Variants in AFAP1 observed in about 807,000 individuals in gnomAD.
The protein encoded by AFAP1 is actin filament-associated protein 1.
In AFAP1, 75 loss-of-function variants were observed where a neutral mutation model predicts 93.9. The observed-to-expected ratio is 0.80, with a 90% CI of 0.66 to 0.97. The LOEUF is 0.97. AFAP1 is among the 50% of genes least tolerant of loss of function. The pLI is 0.00. For synonymous variants in AFAP1, 517 were observed against 430.7 expected (o/e 1.20, Z -2.48); for missense variants, 1,201 against 1,050.8 (o/e 1.14, Z -1.98).
rs1387271537 is a variant in AFAP1, at chr4:7,770,543, G to C, written c.2254-1535C>G. Among the ~76,000 whole-genome samples, 3 of 152,208 alleles carry C rather than the reference G, an allele frequency of 2.0e-5. No individual in the cohort carries two copies. In the East Asian group the frequency reaches 5.8e-4, roughly 29 times the overall value. ...AAGGAAAGGCAAGAACGCAGGGCAA[G>C]GGGACAGTCACCAGGGGGAGCAGGA... is the stretch of plus-strand genomic sequence containing the variant. On this transcript the variant is annotated intron_variant, in intron 16 of 17. Coordinates refer to ENST00000420658, the MANE Select transcript of AFAP1 (RefSeq NM_001134647.2).
At chr4:7,911,328 C>T (rs900153414) in intron 1 of AFAP1, among the ~76,000 whole-genome samples, 4 of 152,186 alleles carry the variant, frequency 2.6e-5, no homozygotes, top group Admixed American at 2.0e-4. Flanking sequence ...CCTCTTGGGC[C>T]TTTCTAAGTG....
intron 7 of AFAP1, among the ~76,000 whole-genome samples, chr4:7,816,835 G>A (rs1039628038): frequency 1.3e-5 from 2 of 152,184 alleles, no homozygotes. Context: ...CAGTTCCCAG[G>A]CACAAAGGAA....
At chr4:7,852,298 G>C (rs1214218344) in intron 4 of AFAP1, among the ~76,000 whole-genome samples, 1 of 152,112 alleles carries the variant, frequency 6.6e-6, no homozygotes, top group Admixed American at 6.5e-5. Flanking sequence ...TCCCTAAAAT[G>C]CTGGACTGCA....
chr4:7,803,906 G>C (rs769012072), intron 9 of AFAP1, among the ~76,000 whole-genome samples: 7 of 152,042 alleles, frequency 4.6e-5, no homozygotes, highest in African/African-American at 9.7e-5. Context: ...CACAACAGCA[G>C]GTAAATCCAC....
intron 10 of AFAP1, 54 bp downstream of exon 10, chr4:7,800,388 G>C: frequency 6.3e-7 from 1 of 1,577,400 alleles, no homozygotes; most frequent in Non-Finnish European, 8.7e-7. Flanking sequence ...CTTTTGAAAG[G>C]AAGATCACCG....
chr4:7,767,822 G>A lies in AFAP1; in HGVS notation c.2418+1022C>T, dbSNP rs190762938. 5.2e-4 allele frequency among the ~76,000 whole-genome samples: 79 copies of A among 152,354 alleles called. No individual in the cohort carries two copies. The South Asian group carries it at 0.016, about 31-fold the overall frequency. ...AAGCTGGGCGCAGTGGCTCACGACTGTAATCCCAGCACTTTGGGAGGTAGG... is the reference window on the plus strand; with the variant it reads ...AAGCTGGGCGCAGTGGCTCACGACTATAATCCCAGCACTTTGGGAGGTAGG... On this transcript the variant is annotated intron_variant, in intron 17 of 17. Transcript: ENST00000420658.
intron 4 of AFAP1, 97 bp downstream of exon 4, chr4:7,855,366 TATA>T: frequency 1.1e-6 from 1 of 935,202 alleles, no homozygotes; most frequent in Non-Finnish European, 1.6e-6. Context: ...CACAGTGTTT[TATA>T]ATACCCTGTT....
intron 6 of AFAP1, among the ~76,000 whole-genome samples, chr4:7,834,674 C>G (rs945758296): frequency 6.6e-6 from 1 of 152,196 alleles, no homozygotes; most frequent in African/African-American, 2.4e-5. Context: ...CTTGCTACCC[C>G]AAGGGGGCAG....
Position 7,768,995 on chromosome 4 carries a change from C to T in AFAP1, c.2267G>A (p.Arg756Gln), listed in dbSNP as rs758053862. 55 of 1,611,890 alleles carry T rather than the reference C, an allele frequency of 3.4e-5. No homozygotes were observed. The highest frequency in any genetic ancestry group is 1.6e-4 in the Middle Eastern group (1 of 6,066). ...GTSSPQSPVF[R>Q]HRTLENSPIS... ...GGGCGAGTTTTCCAGGGTCCGGTGC[C>T]GGAACACTGGAGACTTAACGGAGAG... Residue 756 changes from arginine (R) to glutamine (Q), a missense_variant, in exon 17 of 18, where the codon CGG (arginine) becomes CAG (glutamine). Physicochemically the swap from Arg to Gln is conservative, Grantham distance 43. Coordinates refer to ENST00000420658, the MANE Select transcript of AFAP1 (RefSeq NM_001134647.2).
chr4:7,817,745 C>T (rs1032104853), intron 7 of AFAP1, among the ~76,000 whole-genome samples: 13 of 140,114 alleles, frequency 9.3e-5, no homozygotes, highest in Non-Finnish European at 1.7e-4. Context: ...TGGAAATTTG[C>T]TAATAATATA....
At chr4:7,850,543 G>A (rs1381534589) in intron 4 of AFAP1, among the ~76,000 whole-genome samples, 2 of 152,234 alleles carry the variant, frequency 1.3e-5, no homozygotes, top group Non-Finnish European at 2.9e-5. Context: ...CTATGTCACC[G>A]TAGCTAACTG....
At chr4:7,886,060 A>G (rs566599716) in intron 1 of AFAP1, among the ~76,000 whole-genome samples, 1 of 152,352 alleles carries the variant, frequency 6.6e-6, no homozygotes, top group East Asian at 1.9e-4. Flanking sequence ...GGTAGATCTA[A>G]GAAATCTCAG....
intron 6 of AFAP1, among the ~76,000 whole-genome samples, chr4:7,829,268 T>A (rs1410982107): frequency 1.3e-5 from 2 of 152,226 alleles, no homozygotes; most frequent in African/African-American, 4.8e-5. Flanking sequence ...GGCTCCCAAG[T>A]CCTTTTCCTG....
intron 12 of AFAP1, among the ~76,000 whole-genome samples, chr4:7,783,699 G>T (rs1716995774): frequency 6.6e-6 from 1 of 152,254 alleles, no homozygotes; most frequent in Non-Finnish European, 1.5e-5. Context: ...GCTCCTGGGG[G>T]TGGCCTGTAG....
At chr4:7,839,038 A>G (rs562851648) in intron 5 of AFAP1, among the ~76,000 whole-genome samples, 1 of 152,342 alleles carries the variant, frequency 6.6e-6, no homozygotes, top group East Asian at 1.9e-4. Context: ...ATGTATTTAC[A>G]TAAATAAAAA....
At chr4:7,798,842 C>T in intron 10 of AFAP1, 5 of 984,926 alleles carry the variant, frequency 5.1e-6, no homozygotes, top group Non-Finnish European at 6.0e-6. Context: ...CCACCGCACC[C>T]CGAGCTTCTC....
intron 1 of AFAP1, among the ~76,000 whole-genome samples, chr4:7,891,968 G>A (rs1387806593): frequency 1.3e-5 from 2 of 152,014 alleles, no homozygotes; most frequent in African/African-American, 4.8e-5. Flanking sequence ...GCAGGAGAAT[G>A]GCTTGAACCC....
chr4:7,878,630 A>C (rs1177216032), intron 1 of AFAP1, among the ~76,000 whole-genome samples: 1 of 152,228 alleles, frequency 6.6e-6, no homozygotes, highest in East Asian at 1.9e-4. Context: ...TGTTTAATAG[A>C]AATCTCCAGC....
At chr4:7,873,338 A>C (rs1196585696) in intron 1 of AFAP1, among the ~76,000 whole-genome samples, 3 of 125,384 alleles carry the variant, frequency 2.4e-5, no homozygotes, top group Admixed American at 9.1e-5. Flanking sequence ...CTTTGAAGAC[A>C]CACCTTTTTT....
Sources: gnomAD v4.1 joint callset for allele counts (sites outside exome capture counted in the v4.1 genomes callset) on GRCh38, gnomAD v4.1.1 for gene constraint, MANE v1.5 for transcripts, NCBI Gene and HGNC (gene_info 2026-07-23, HGNC 2026-07-21) for gene names.